The following MAST2 variants were observed in gnomAD, a reference collection of about 807,000 sequenced individuals.
The protein encoded by MAST2 is microtubule associated serine/threonine kinase 2.
In MAST2, 70 loss-of-function variants were observed where a neutral mutation model predicts 147.4. The ratio of observed to expected loss-of-function variants is 0.47; its 90% CI spans 0.39 to 0.58. The LOEUF is 0.58. MAST2 is among the 20% of genes least tolerant of loss of function. The pLI is 0.00. For synonymous variants in MAST2, 869 were observed against 896.8 expected (o/e 0.97, Z 0.55); for missense variants, 2,080 against 2,302.3 (o/e 0.90, Z 1.98).
chr1:46,034,472 T>C, intron 28 of MAST2, 66 bp from the exon 29 acceptor site: 1 of 1,510,172 alleles, frequency 6.6e-7, no homozygotes, highest in Non-Finnish European at 9.0e-7. Flanking sequence ...GTCTTGCCCT[T>C]GAGTCACTTC....
At position 46,022,046 on chromosome 1, in the gene MAST2, G is replaced by A. The variant is rs533237627; in HGVS notation, c.1387G>A (p.Val463Ile). The part of the protein sequence containing the change: ...GIKCDIPRYI[V>I]SQLGLTRDPL... The stretch of plus-strand genomic sequence containing the variant: ...TAAATGTGACATTCCCCGCTACATC[G>A]TTAGCCAGCTGGGCCTCACCCGGGA... Residue 463 changes from valine (V) to isoleucine (I), a missense_variant, in exon 12 of 29, where the codon GTT (valine) becomes ATT (isoleucine). By Grantham distance (29) the Val-to-Ile change is conservative (BLOSUM62 3). This residue lies in a region of MAST2 where 569 missense variants were observed against 642.5 expected (regional missense o/e 0.89). Transcript: ENST00000361297. The A allele has an allele frequency of 6.2e-6, 10 of 1,614,182 alleles. No individual in the cohort carries two copies. Among genetic ancestry groups the A allele is most frequent in the South Asian group, 4.4e-5 (4 of 91,082 alleles).
At chr1:45,816,820 G>A (rs1327115116) in intron 1 of MAST2, among the ~76,000 whole-genome samples, 4 of 152,126 alleles carry the variant, frequency 2.6e-5, no homozygotes, top group South Asian at 2.1e-4. Flanking sequence ...TGGGATTACA[G>A]GTGTGTGCCA....
intron 4 of MAST2, among the ~76,000 whole-genome samples, chr1:45,905,319 G>T (rs941213951): frequency 6.6e-6 from 1 of 151,876 alleles, no homozygotes; most frequent in Non-Finnish European, 1.5e-5. Flanking sequence ...CAAGTAGCTG[G>T]GAGTACAGGC....
At chr1:45,982,791 A>G (rs1027944431) in intron 5 of MAST2, among the ~76,000 whole-genome samples, 1 of 152,168 alleles carries the variant, frequency 6.6e-6, no homozygotes, top group Non-Finnish European at 1.5e-5. Context: ...CATCCCCACA[A>G]AGACTTATGA....
intron 4 of MAST2, among the ~76,000 whole-genome samples, chr1:45,921,491 G>A (rs540196394): frequency 7.2e-5 from 11 of 152,282 alleles, no homozygotes; most frequent in East Asian, 1.9e-4. Flanking sequence ...AGACTGGAGC[G>A]GAATAGTGAA....
At chr1:45,822,076 A>G (rs1356717121) in intron 1 of MAST2, among the ~76,000 whole-genome samples, 2 of 151,060 alleles carry the variant, frequency 1.3e-5, no homozygotes, top group Non-Finnish European at 2.9e-5. Flanking sequence ...TTTAGTAGAG[A>G]TGGGGTTTTG....
At chr1:46,032,097 G>T (rs1282700374) in intron 24 of MAST2, 81 bp from the exon 25 acceptor site, 1 of 1,066,892 alleles carries the variant, frequency 9.4e-7, no homozygotes, top group Non-Finnish European at 1.5e-6. Context: ...TGTGACTAGA[G>T]TTGTGCTGAC....
chr1:45,848,072 A>G (rs1645500111), intron 3 of MAST2, among the ~76,000 whole-genome samples: 1 of 152,126 alleles, frequency 6.6e-6, no homozygotes, highest in East Asian at 1.9e-4. Context: ...GTCATTCTTC[A>G]TTTTTGCAAT....
chr1:46,010,642 T>G, intron 9 of MAST2, 88 bp from the exon 10 acceptor site: 3 of 1,120,084 alleles, frequency 2.7e-6, no homozygotes, highest in Non-Finnish European at 3.9e-6. Context: ...AGGGAGCCCA[T>G]TATTTTGCTA....
intron 10 of MAST2, among the ~76,000 whole-genome samples, chr1:46,014,483 T>C (rs946681476): frequency 1.3e-5 from 2 of 152,018 alleles, no homozygotes; most frequent in African/African-American, 2.4e-5. Flanking sequence ...ATTTCATCCA[T>C]GTCCCTACAA....
intron 1 of MAST2, among the ~76,000 whole-genome samples, chr1:45,805,519 A>G (rs977420369): frequency 4.6e-5 from 7 of 152,106 alleles, no homozygotes; most frequent in Non-Finnish European, 7.4e-5. Context: ...TATCTTTTAC[A>G]TTCTCTGCAG....
intron 1 of MAST2, among the ~76,000 whole-genome samples, chr1:45,821,515 C>CTTTTTTTTTTTT (rs59159342): frequency 1.4e-5 from 1 of 70,924 alleles, no homozygotes; most frequent in African/African-American, 6.1e-5. Context: ...GTTATTTCTT[C>CTTTTTTTTTTTT]TTTTTTTTTT....
At chr1:45,855,671 A>T (rs1365807766) in intron 3 of MAST2, among the ~76,000 whole-genome samples, 1 of 152,252 alleles carries the variant, frequency 6.6e-6, no homozygotes, top group South Asian at 2.1e-4. Context: ...CTACTAGTAT[A>T]TAGAAATATG....
intron 6 of MAST2, among the ~76,000 whole-genome samples, chr1:45,998,164 C>T (rs1645132415): frequency 6.6e-6 from 1 of 152,156 alleles, no homozygotes; most frequent in African/African-American, 2.4e-5. Flanking sequence ...AGAAAATAAG[C>T]TCTCCTCCAG....
At chr1:45,831,724 T>A (rs1286663630) in intron 3 of MAST2, among the ~76,000 whole-genome samples, 1 of 151,798 alleles carries the variant, frequency 6.6e-6, no homozygotes, top group Non-Finnish European at 1.5e-5. Context: ...TCTCCTAAGG[T>A]GAAGGATACT....
At chr1:45,911,589 A>T (rs1651658904) in intron 4 of MAST2, among the ~76,000 whole-genome samples, 1 of 152,298 alleles carries the variant, frequency 6.6e-6, no homozygotes, top group East Asian at 1.9e-4. Context: ...ACTTCTGGCT[A>T]GTATAATTCA....
At chr1:45,880,160 A>G (rs1348727250) in intron 3 of MAST2, among the ~76,000 whole-genome samples, 1 of 152,218 alleles carries the variant, frequency 6.6e-6, no homozygotes, top group Non-Finnish European at 1.5e-5. Flanking sequence ...AAAACATGTT[A>G]TAGGAATGTT....
intron 4 of MAST2, among the ~76,000 whole-genome samples, chr1:45,890,804 A>G (rs1465795185): frequency 1.3e-5 from 2 of 152,240 alleles, no homozygotes; most frequent in Non-Finnish European, 1.5e-5. Context: ...ACTTGTTCCA[A>G]ACATTGGTAT....
At chr1:45,819,255 A>G (rs1644548259) in intron 1 of MAST2, among the ~76,000 whole-genome samples, 1 of 148,860 alleles carries the variant, frequency 6.7e-6, no homozygotes, top group African/African-American at 2.5e-5. Flanking sequence ...TCTGTCTCAA[A>G]AAAAAAAAAA....
Sources: gnomAD v4.1 joint callset for allele counts (sites outside exome capture counted in the v4.1 genomes callset) on GRCh38, gnomAD v4.1.1 for gene constraint, gnomAD v4.1.1 regional missense constraint, MANE v1.5 for transcripts, NCBI Gene and HGNC (gene_info 2026-07-23, HGNC 2026-07-21) for gene names.